The following SCAF8 variants were observed in gnomAD, a reference collection of about 807,000 sequenced individuals.
SCAF8 encodes the protein SR-related and CTD-associated factor 8.
SCAF8 carries 23 observed loss-of-function variants against 140.5 expected under a neutral mutation model. The observed-to-expected ratio is 0.16, with a 90% CI of 0.12 to 0.23. The LOEUF (loss-of-function observed/expected upper bound fraction) is 0.23, where lower values mean the gene tolerates loss of function less well. Among genes scored for constraint, SCAF8 ranks in the 10% least tolerant of loss-of-function variants. SCAF8 has a pLI of 1.00. For synonymous variants in SCAF8, 575 were observed against 528.9 expected (o/e 1.09, Z -1.20); for missense variants, 1,397 against 1,555.7 (o/e 0.90, Z 1.72).
At chr6:154,747,937 T>C (rs1023111989) in intron 1 of SCAF8, among the ~76,000 whole-genome samples, 5 of 146,444 alleles carry the variant, frequency 3.4e-5, no homozygotes, top group African/African-American at 1.3e-4. Context: ...TGTGTGTGTG[T>C]ACTAGAAATG....
chr6:154,797,699 A>G (rs910911749), intron 6 of SCAF8, among the ~76,000 whole-genome samples: 7 of 151,406 alleles, frequency 4.6e-5, no homozygotes, highest in African/African-American at 1.5e-4. Flanking sequence ...CAGCCTATCA[A>G]TGATCTTGTA....
chr6:154,744,905 T>C (rs1778659316), intron 1 of SCAF8, among the ~76,000 whole-genome samples: 1 of 152,220 alleles, frequency 6.6e-6, no homozygotes, highest in Admixed American at 6.5e-5. Context: ...TCTGAACATT[T>C]TGAGAATAAA....
chr6:154,793,485 AAAT>A (rs1309336828), intron 5 of SCAF8, among the ~76,000 whole-genome samples: 1 of 151,664 alleles, frequency 6.6e-6, no homozygotes, highest in African/African-American at 2.4e-5. Flanking sequence ...ATAATTTTTT[AAAT>A]AATTTTTTCA....
chr6:154,778,770 TG>T lies in SCAF8; in HGVS notation c.159+726del, dbSNP rs1292762772. Reference sequence around the variant, plus strand: ...CAGAGTGAGACCCTGTCTCAAAAAATGTGTGTGTGTGTGTGTGTGTGTGTGT... The same window carrying T: ...CAGAGTGAGACCCTGTCTCAAAAAATTGTGTGTGTGTGTGTGTGTGTGTGT... On this transcript the variant is annotated intron_variant, in intron 3 of 19. Coordinates refer to ENST00000367178, the MANE Select transcript of SCAF8 (RefSeq NM_014892.5). Among the ~76,000 whole-genome samples, 17 of 28,240 alleles carry T rather than the reference TG, an allele frequency of 6.0e-4. No individual in the cohort carries two copies. The South Asian group carries it at 0.013, about 22-fold the overall frequency. The allele number at this position is 28,240 out of a possible 152,430, so 18.5% of individuals were successfully genotyped here. A position where few individuals can be genotyped will look rare whatever the true frequency, so the allele number is the denominator to read the frequency against.
intron 14 of SCAF8, among the ~76,000 whole-genome samples, 167 bp from the exon 15 acceptor site, chr6:154,820,010 A>C (rs999454394): frequency 6.6e-6 from 1 of 152,198 alleles, no homozygotes; most frequent in African/African-American, 2.4e-5. Flanking sequence ...AACAACTGGA[A>C]AAAAATTCTT....
In SCAF8 at chr6:154,831,798, C is replaced by T. The variant is rs1413639313; in HGVS notation, c.2360-141C>T. 1.6e-5 allele frequency: 7 copies of T among 436,320 alleles called. No homozygotes were observed. In the Admixed American group the frequency reaches 2.5e-4, roughly 16 times the overall value. The allele number at this position is 436,320 out of a possible 1,614,324, so 27.0% of individuals were successfully genotyped here. On this transcript the variant is annotated intron_variant, in intron 19 of 19. Coordinates refer to ENST00000367178, the MANE Select transcript of SCAF8 (RefSeq NM_014892.5). ...GGTGGAAAATCAGTATAATACCTGA[C>T]ATTTCTGTTTAACTTAAAAAGATGT... is the stretch of plus-strand genomic sequence containing the variant.
chr6:154,747,833 A>G (rs898293642), intron 1 of SCAF8, among the ~76,000 whole-genome samples: 2 of 152,012 alleles, frequency 1.3e-5, no homozygotes, highest in African/African-American at 4.8e-5. Context: ...ATTCAACAGT[A>G]CAAAACAGAC....
chr6:154,798,319 G>C (rs1022537810), intron 6 of SCAF8, among the ~76,000 whole-genome samples: 6 of 151,364 alleles, frequency 4.0e-5, no homozygotes, highest in African/African-American at 1.4e-4. Context: ...AATTAAATTT[G>C]TTTTTTAAAG....
intron 1 of SCAF8, among the ~76,000 whole-genome samples, chr6:154,747,910 G>GTA (rs1182942115): frequency 1.4e-5 from 2 of 145,352 alleles, no homozygotes; most frequent in African/African-American, 5.6e-5. Context: ...GTGTGTGTGT[G>GTA]TGTGTGTGTG....
At chr6:154,756,012 C>T (rs1778957811) in intron 1 of SCAF8, among the ~76,000 whole-genome samples, 1 of 152,148 alleles carries the variant, frequency 6.6e-6, no homozygotes, top group Non-Finnish European at 1.5e-5. Flanking sequence ...GTCTATTTCA[C>T]TTACATTTTC....
intron 11 of SCAF8, among the ~76,000 whole-genome samples, chr6:154,809,446 C>T (rs555655375): frequency 1.6e-4 from 25 of 152,166 alleles, no homozygotes; most frequent in African/African-American, 5.1e-4. Context: ...CTAAACCCAC[C>T]GCGTATCACT....
intron 1 of SCAF8, among the ~76,000 whole-genome samples, chr6:154,769,064 A>C (rs891269449): frequency 8.4e-3 from 33 of 3,948 alleles, no homozygotes; most frequent in Non-Finnish European, 0.02. Flanking sequence ...CACTGTCTCA[A>C]AAAAAAAAAA....
chr6:154,768,614 ATAAAC>A (rs1340326036), intron 1 of SCAF8, among the ~76,000 whole-genome samples: 1 of 152,190 alleles, frequency 6.6e-6, no homozygotes, highest in African/African-American at 2.4e-5. Flanking sequence ...TTTGTAAATG[ATAAAC>A]TAAAATAAAC....
chr6:154,762,653 A>G (rs537639440), intron 1 of SCAF8, among the ~76,000 whole-genome samples: 1 of 152,278 alleles, frequency 6.6e-6, no homozygotes, highest in Non-Finnish European at 1.5e-5. Flanking sequence ...ATAATTTTGT[A>G]GTATTTCCTT....
chr6:154,747,896 C>CTGTGTGTGTG lies in SCAF8; in HGVS notation c.30+13998_30+14007dup, dbSNP rs71021073. ...CCTTCATGGAGTTTACATTTCATTT[C>CTGTGTGTGTG]TGTGTGTGTGTGTGTGTGTGTGTGT... On this transcript the variant is annotated intron_variant, in intron 1 of 19. Transcript: ENST00000367178. Among the ~76,000 whole-genome samples, 897 of 144,714 alleles carry CTGTGTGTGTG rather than the reference C, an allele frequency of 6.2e-3. 5 individuals carry two copies. Among genetic ancestry groups the CTGTGTGTGTG allele is most frequent in the East Asian group, 9.2e-3 (45 of 4,882 alleles). 94.9% of individuals were successfully genotyped at this position (144,714 alleles called of 152,430 possible). A position where few individuals can be genotyped will look rare whatever the true frequency, so the allele number is the denominator to read the frequency against.
intron 1 of SCAF8, among the ~76,000 whole-genome samples, chr6:154,768,105 TAG>T (rs1172891203): frequency 2.6e-5 from 4 of 152,224 alleles, no homozygotes; most frequent in African/African-American, 9.6e-5. Flanking sequence ...CCTTTTGAGA[TAG>T]CTGCAGTGAC....
At chr6:154,746,425 ATTCTCT>A (rs1403754899) in intron 1 of SCAF8, among the ~76,000 whole-genome samples, 3 of 152,166 alleles carry the variant, frequency 2.0e-5, no homozygotes, top group South Asian at 2.1e-4. Context: ...ATATACATAC[ATTCTCT>A]TTCTCATCTG....
intron 1 of SCAF8, among the ~76,000 whole-genome samples, chr6:154,764,681 C>G (rs1194345563): frequency 6.6e-6 from 1 of 152,100 alleles, no homozygotes; most frequent in East Asian, 1.9e-4. Flanking sequence ...GTAGAGAACA[C>G]TGGGTAGCTG....
chr6:154,740,323 C>T (rs932966951), intron 1 of SCAF8, among the ~76,000 whole-genome samples: 94 of 152,282 alleles, frequency 6.2e-4, no homozygotes, highest in Middle Eastern at 6.8e-3. Flanking sequence ...GCCACTAGCA[C>T]CCTCCACAAT....
Sources: gnomAD v4.1 joint callset for allele counts (sites outside exome capture counted in the v4.1 genomes callset) on GRCh38, gnomAD v4.1.1 for gene constraint, MANE v1.5 for transcripts, NCBI Gene and HGNC (gene_info 2026-07-23, HGNC 2026-07-21) for gene names.